The following NEBL variants were observed in gnomAD, a reference collection of about 807,000 sequenced individuals.
NEBL encodes LIM and SH3 protein 2.
A neutral mutation model predicts 140.2 loss-of-function variants in NEBL; 122 were observed. The observed-to-expected ratio is 0.87, with a 90% CI of 0.75 to 1.01. The LOEUF (loss-of-function observed/expected upper bound fraction) is 1.01, where lower values mean the gene tolerates loss of function less well. Among genes scored for constraint, NEBL ranks in the 50% least tolerant of loss-of-function variants. The pLI is 0.00. For missense variants in NEBL, 1,365 were observed against 1,231.3 expected, an observed-to-expected ratio of 1.11 and a Z score of -1.62; for synonymous variants, 436 against 398.9, an observed-to-expected ratio of 1.09 and a Z score of -1.11.
chr10:20,881,067 T>A (rs1240361082), intron 4 of NEBL, among the ~76,000 whole-genome samples, 163 bp from the exon 5 acceptor site: 3 of 152,210 alleles, frequency 2.0e-5, no homozygotes, highest in African/African-American at 7.2e-5. Flanking sequence ...TTCATCTTTA[T>A]GCTTCTGTTT....
intron 4 of NEBL, among the ~76,000 whole-genome samples, chr10:20,940,967 C>T (rs2131565690): frequency 1.3e-5 from 2 of 152,198 alleles, no homozygotes; most frequent in Admixed American, 1.3e-4. Flanking sequence ...CAAAAAAAGT[C>T]CAGGACCAGA....
chr10:21,280,474 T>C (rs1384763273), intron 1 of NEBL, among the ~76,000 whole-genome samples: 2 of 151,828 alleles, frequency 1.3e-5, no homozygotes, highest in Non-Finnish European at 2.9e-5. Context: ...AAAAGGCAGA[T>C]AGGAAGGTGG....
chr10:20,909,233 T>C (rs1848227787), intron 4 of NEBL, among the ~76,000 whole-genome samples: 1 of 151,258 alleles, frequency 6.6e-6, no homozygotes, highest in African/African-American at 2.4e-5. Flanking sequence ...AAATAGTAGG[T>C]TTCGTTCATT....
At chr10:21,081,412 T>C (rs903122071) in intron 2 of NEBL, among the ~76,000 whole-genome samples, 6 of 151,916 alleles carry the variant, frequency 3.9e-5, no homozygotes, top group African/African-American at 1.5e-4. Context: ...AGTAAACACA[T>C]AGAAAAAACC....
At chr10:21,168,652 A>AT (rs1840903497) in intron 2 of NEBL, among the ~76,000 whole-genome samples, 1 of 152,160 alleles carries the variant, frequency 6.6e-6, no homozygotes, top group Non-Finnish European at 1.5e-5. Context: ...AAGCTCTATG[A>AT]TTCTTGAAGA....
intron 2 of NEBL, among the ~76,000 whole-genome samples, chr10:21,070,203 G>T (rs2131901490): frequency 6.6e-6 from 1 of 152,270 alleles, no homozygotes; most frequent in South Asian, 2.1e-4. Context: ...AGTGCTCTAG[G>T]ATTGTTAATG....
intron 3 of NEBL, among the ~76,000 whole-genome samples, chr10:21,010,360 T>A (rs1410053422): frequency 6.6e-6 from 1 of 152,030 alleles, no homozygotes; most frequent in Non-Finnish European, 1.5e-5. Context: ...TCCTCCTACA[T>A]CAGTCTCCTG....
intron 4 of NEBL, among the ~76,000 whole-genome samples, chr10:20,913,337 G>C (rs1226626334): frequency 6.6e-6 from 1 of 152,016 alleles, no homozygotes; most frequent in Non-Finnish European, 1.5e-5. Flanking sequence ...CATCAGAAAA[G>C]GTACACTCCT....
chr10:21,082,667 T>A (rs1159858581), intron 2 of NEBL, among the ~76,000 whole-genome samples: 2 of 150,836 alleles, frequency 1.3e-5, no homozygotes, highest in Non-Finnish European at 2.9e-5. Flanking sequence ...CAGTGAACTA[T>A]CACAAGGATG....
At chr10:21,122,989 A>G (rs1481117536) in intron 2 of NEBL, among the ~76,000 whole-genome samples, 1 of 152,212 alleles carries the variant, frequency 6.6e-6, no homozygotes, top group Non-Finnish European at 1.5e-5. Flanking sequence ...GAAGATACTC[A>G]GTAAAATCAT....
chr10:21,131,854 A>T (rs1399229306), intron 2 of NEBL, among the ~76,000 whole-genome samples: 3 of 152,184 alleles, frequency 2.0e-5, no homozygotes, highest in Non-Finnish European at 4.4e-5. Flanking sequence ...GCCCAAAGTG[A>T]AATTGGTAAA....
intron 22 of NEBL, 72 bp downstream of exon 22, chr10:20,815,553 C>G: frequency 8.4e-7 from 1 of 1,187,770 alleles, no homozygotes. Flanking sequence ...TTTTCACAAG[C>G]AAAGGAGGAC....
chr10:20,857,994 T>G (rs1327182276), intron 9 of NEBL, among the ~76,000 whole-genome samples: 1 of 152,164 alleles, frequency 6.6e-6, no homozygotes, highest in African/African-American at 2.4e-5. Context: ...GAAAGGCCAC[T>G]GTGCAGACAC....
At chr10:20,935,570 A>G (rs1484721262) in intron 4 of NEBL, among the ~76,000 whole-genome samples, 1 of 152,188 alleles carries the variant, frequency 6.6e-6, no homozygotes, top group Non-Finnish European at 1.5e-5. Context: ...GTGCAATGAG[A>G]GACTGATTCT....
chr10:20,837,005 T>C (rs1456048664), intron 13 of NEBL, among the ~76,000 whole-genome samples: 1 of 152,146 alleles, frequency 6.6e-6, no homozygotes, highest in Non-Finnish European at 1.5e-5. Flanking sequence ...TCTATCTCTT[T>C]CCCTCTCTTT....
intron 4 of NEBL, among the ~76,000 whole-genome samples, chr10:20,933,097 T>C (rs1352200082): frequency 6.6e-6 from 1 of 152,126 alleles, no homozygotes; most frequent in Admixed American, 6.5e-5. Context: ...TAGAAGAACC[T>C]AGATTCTCTC....
At chr10:21,102,004 C>T (rs1489832028) in intron 2 of NEBL, among the ~76,000 whole-genome samples, 3 of 152,194 alleles carry the variant, frequency 2.0e-5, no homozygotes, top group African/African-American at 7.2e-5. Flanking sequence ...CCATAACATT[C>T]TCATAGGTGT....
chr10:20,961,614 T>C, intron 4 of NEBL: 1 of 1,280,544 alleles, frequency 7.8e-7, no homozygotes, highest in South Asian at 1.2e-5. Flanking sequence ...CCAGCCTCCC[T>C]TTCTCATCCA....
intron 2 of NEBL, among the ~76,000 whole-genome samples, chr10:21,143,703 C>A (rs1375296268): frequency 3.3e-5 from 5 of 151,980 alleles, no homozygotes. Flanking sequence ...ACCCCACTTC[C>A]CCAGATCTTA....
Sources: allele counts gnomAD v4.1 joint callset (sites outside exome capture counted in the v4.1 genomes callset), GRCh38; gene constraint gnomAD v4.1.1; transcripts MANE v1.5; gene names NCBI Gene and HGNC (gene_info 2026-07-23, HGNC 2026-07-21).